PTPN23: variants seen among roughly 807,000 people sequenced by gnomAD.
PTPN23 encodes the protein protein tyrosine phosphatase non-receptor type 23, also known as tyrosine-protein phosphatase non-receptor type 23.
Under a neutral mutation model 156.3 loss-of-function variants are expected in PTPN23, and 72 were observed. The ratio of observed to expected loss-of-function variants is 0.46; its 90% confidence interval spans 0.38 to 0.56. The LOEUF is 0.56. Ranked by LOEUF, PTPN23 falls within the 20% of genes least tolerant of loss-of-function variation. PTPN23 has a pLI of 0.00. For synonymous variants in PTPN23, 957 were observed against 899.6 expected, an observed-to-expected ratio of 1.06 and a Z score of -1.14; for missense variants, 1,974 against 2,171.5, an observed-to-expected ratio of 0.91 and a Z score of 1.81.
intron 1 of PTPN23, among the ~76,000 whole-genome samples, chr3:47,382,323 CTT>C (rs11438597): frequency 6.4e-5 from 9 of 141,034 alleles, no homozygotes; most frequent in Admixed American, 1.4e-4. Flanking sequence ...TTTTTCCTAC[CTT>C]TTTTTTTTTT....
rs1035270035 is a variant in PTPN23 at position 47,410,103 on chromosome 3, C to T, written c.2305C>T (p.Leu769Phe). The change falls in exon 20 of 25, where the codon CTC (leucine) becomes TTC (phenylalanine). Residue 769 changes from leucine to phenylalanine, a missense_variant. Leu to Phe is a conservative substitution (Grantham distance 22, BLOSUM62 0). Transcript: ENST00000265562. ...CACCTTCCTGGGAAGTGCCACCCCG[C>T]TCCACTTTCCTCCCAGCCCCTTCCC... is the stretch of plus-strand genomic sequence containing the variant. ...PDTFLGSATP[L>F]HFPPSPFPSS... 1.2e-6 allele frequency: 2 copies of T among 1,604,630 alleles called. No homozygotes were observed. The highest frequency in any genetic ancestry group is 2.2e-5 in the South Asian group (2 of 89,538).
Position 47,412,899 on chromosome 3 carries a change from C to T in PTPN23, c.4625C>T (p.Ser1542Phe), listed in dbSNP as rs201694721. 19 of 1,607,660 alleles carry T rather than the reference C, an allele frequency of 1.2e-5. No homozygotes were observed. Among genetic ancestry groups the T allele is most frequent in the Non-Finnish European group, 1.4e-5 (17 of 1,175,716 alleles). Residue 1542 changes from serine (S) to phenylalanine (F), a missense_variant, in exon 25 of 25, where the codon TCT (serine) becomes TTT (phenylalanine). Physicochemically the swap from Ser to Phe is radical, Grantham distance 155. Transcript: ENST00000265562. ...CTCCCAGAGTCTACCCCAATCCCAT[C>T]TTCCTCCCCGCCCCCCCTTTCCTCC... is the stretch of plus-strand genomic sequence containing the variant. ...ASLPESTPIP[S>F]SSPPPLSSPL...
At position 47,405,701 on chromosome 3, in the gene PTPN23, T is replaced by G. The variant is rs1352722020; in HGVS notation, c.365-48T>G. 6.4e-7 allele frequency: 1 copy of G among 1,566,820 alleles called. No homozygotes were observed. Among genetic ancestry groups the G allele is most frequent in the Non-Finnish European group, 8.7e-7 (1 of 1,151,628 alleles). On this transcript the variant is annotated intron_variant, in intron 4 of 24. Coordinates refer to ENST00000265562, the MANE Select transcript of PTPN23 (RefSeq NM_015466.4). This position sits in a 1 kb window ranked among gnomAD's most constrained non-coding sequence, Gnocchi z 4.7. ...GTGCCCCCTCTGTCTCACCTTCACA[T>G]GGGTGTGAGCAGCCCCAGGCCCCTA...
chr3:47,393,811 C>T (rs1366505175), intron 1 of PTPN23, among the ~76,000 whole-genome samples: 1 of 151,642 alleles, frequency 6.6e-6, no homozygotes, highest in African/African-American at 2.4e-5. Context: ...GGAGTGTGCA[C>T]ACAGCTCACC....
At chr3:47,388,142 G>A (rs139835009) in intron 1 of PTPN23, among the ~76,000 whole-genome samples, 3 of 152,282 alleles carry the variant, frequency 2.0e-5, no homozygotes, top group African/African-American at 7.2e-5. Flanking sequence ...TTTCTTACCT[G>A]AAACATGGAA....
At position 47,408,835 on chromosome 3, in the gene PTPN23, G is replaced by C; in HGVS notation, c.1390G>C (p.Glu464Gln). The change falls in exon 16 of 25, where the codon GAG becomes CAG. Residue 464 changes from glutamate (E) to glutamine (Q), a missense_variant. By Grantham distance (29) the Glu-to-Gln change is conservative. Transcript: ENST00000265562. The part of the protein sequence containing the change: ...ASLKDIRDLL[E>Q]EDELLEQKFQ... ...CCTGAAGGACATCAGAGATCTGTTG[G>C]AGGAGGATGAGCTGCTAGAGCAGAA... The C allele has an allele frequency of 6.2e-7, 1 of 1,613,832 alleles. No homozygotes were observed. The highest frequency in any genetic ancestry group is 8.5e-7 in the Non-Finnish European group (1 of 1,179,828).
intron 1 of PTPN23, among the ~76,000 whole-genome samples, chr3:47,385,157 T>C (rs974832410): frequency 6.6e-6 from 1 of 152,230 alleles, no homozygotes. Flanking sequence ...TGGAAACTGA[T>C]GATGGATGAC....
chr3:47,386,948 G>A (rs936356411), intron 1 of PTPN23, among the ~76,000 whole-genome samples: 1 of 152,244 alleles, frequency 6.6e-6, no homozygotes, highest in African/African-American at 2.4e-5. Flanking sequence ...TATATAGGGA[G>A]TGCTTAACAA....
chr3:47,382,343 C>T, intron 1 of PTPN23, among the ~76,000 whole-genome samples: 1 of 143,040 alleles, frequency 7.0e-6, no homozygotes, highest in African/African-American at 2.7e-5. Flanking sequence ...TTTTTTGAGA[C>T]GGAGTTTCGC....
Position 47,405,929 on chromosome 3 carries a change from C to T in PTPN23, c.429C>T (p.Ser143=), listed in dbSNP as rs1207739841. The part of the protein sequence containing the change: ...KRVSEEGMKV[S]CTHFQCAAGA... The stretch of plus-strand genomic sequence containing the variant: ...CTCCCTCCCAGGGCATGAAGGTCTC[C>T]TGTACCCATTTCCAGTGCGCAGCCG... The change falls in exon 6 of 25, where the codon TCC becomes TCT. Residue 143 remains serine (S), a synonymous_variant. Transcript: ENST00000265562. This position sits in a 1 kb window ranked among gnomAD's most constrained non-coding sequence, Gnocchi z 4.7. The T allele has an allele frequency of 6.2e-7, 1 of 1,614,020 alleles. No individual in the cohort carries two copies. Among genetic ancestry groups the T allele is most frequent in the Non-Finnish European group, 8.5e-7 (1 of 1,179,994 alleles).
chr3:47,409,847 C>G lies in PTPN23; in HGVS notation c.2129+13C>G. 1 of 1,607,604 alleles carries G rather than the reference C, an allele frequency of 6.2e-7. No individual in the cohort carries two copies. Among genetic ancestry groups the G allele is most frequent in the Non-Finnish European group, 8.5e-7 (1 of 1,177,044 alleles). ...AGCTCCTGGACAGGTTTGTGTGGCC[C>G]TGGGGCTGTGGTGCGGCTCGGGTCC... On this transcript the variant is annotated intron_variant, in intron 19 of 24. Coordinates refer to ENST00000265562, the MANE Select transcript of PTPN23 (RefSeq NM_015466.4).
At position 47,410,190 on chromosome 3, in the gene PTPN23, G is replaced by A; in HGVS notation, c.2392G>A (p.Gly798Ser). The change falls in exon 20 of 25, where the codon GGC becomes AGC. Residue 798 changes from glycine to serine, a missense_variant. Around this residue, in one of 4 missense-constraint regions of PTPN23, gnomAD observed 731 missense variants for 669.1 expected, o/e 1.09. Coordinates refer to ENST00000265562, the MANE Select transcript of PTPN23 (RefSeq NM_015466.4). ...SGPLPPGTYSGPTQLIQPRAP... is the reference protein window; with the variant it reads ...SGPLPPGTYSSPTQLIQPRAP... Reference sequence around the variant, plus strand: ...CCCCTTGCCCCCTGGTACCTACTCGGGCCCCACCCAGCTGATACAGCCCAG... The same window carrying A: ...CCCCTTGCCCCCTGGTACCTACTCGAGCCCCACCCAGCTGATACAGCCCAG... 1 of 1,604,810 alleles carries A rather than the reference G, an allele frequency of 6.2e-7. No homozygotes were observed. The highest frequency in any genetic ancestry group is 1.1e-5 in the South Asian group (1 of 89,776).
At chr3:47,408,017 C>A in intron 14 of PTPN23, 62 bp downstream of exon 14, 2 of 1,547,006 alleles carry the variant, frequency 1.3e-6, no homozygotes, top group Non-Finnish European at 1.8e-6. Context: ...CTCTGGGGGC[C>A]CCAGGGCTGC....
In PTPN23 at chr3:47,408,465, C is replaced by T. The variant is rs2107718511; in HGVS notation, c.1305C>T (p.Val435=). 1.2e-6 allele frequency: 2 copies of T among 1,613,982 alleles called. No individual in the cohort carries two copies. The highest frequency in any genetic ancestry group is 1.7e-6 in the Non-Finnish European group (2 of 1,179,912). The change falls in exon 15 of 25, where the codon GTC becomes GTT. Residue 435 remains valine (V), a synonymous_variant. Transcript: ENST00000265562. ...CTCTCAGCGTCCGGCCCGACACTGTCAGGAACCTTGTACAGTCCATGCAAG... is the reference window on the plus strand; with the variant it reads ...CTCTCAGCGTCCGGCCCGACACTGTTAGGAACCTTGTACAGTCCATGCAAG... ...CAALSVRPDT[V]RNLVQSMQVL...
chr3:47,397,891 G>A (rs1319975172), intron 2 of PTPN23, among the ~76,000 whole-genome samples: 1 of 151,964 alleles, frequency 6.6e-6, no homozygotes, highest in Non-Finnish European at 1.5e-5. Context: ...GGCTGGTCTC[G>A]ACCTCCTGAC....
rs1402722056 is a variant in PTPN23 at position 47,408,760 on chromosome 3, C to T, written c.1331-16C>T. 1.3e-6 allele frequency: 2 copies of T among 1,570,964 alleles called. No homozygotes were observed. The highest frequency in any genetic ancestry group is 1.7e-6 in the Non-Finnish European group (2 of 1,156,602). ...CAGCCTGCCTCAGGGGCTGCCTGTA[C>T]AATCCACAACCCCAGTGCTGTCAGG... On this transcript the variant is annotated splice_polypyrimidine_tract_variant and intron_variant, in intron 15 of 24. Transcript: ENST00000265562.
chr3:47,392,413 C>T (rs1248766852), intron 1 of PTPN23, among the ~76,000 whole-genome samples: 1 of 152,158 alleles, frequency 6.6e-6, no homozygotes, highest in Non-Finnish European at 1.5e-5. Flanking sequence ...TCTGGAACTC[C>T]TAGCCTCAAG....
At chr3:47,388,594 A>G (rs928303633) in intron 1 of PTPN23, among the ~76,000 whole-genome samples, 1 of 151,410 alleles carries the variant, frequency 6.6e-6, no homozygotes, top group African/African-American at 2.4e-5. Context: ...CAATCCAATT[A>G]TACTTTTATT....
intron 1 of PTPN23, among the ~76,000 whole-genome samples, chr3:47,381,437 C>T (rs558955704): frequency 6.6e-6 from 1 of 152,334 alleles, no homozygotes; most frequent in African/African-American, 2.4e-5. Context: ...CCCGAGTCAT[C>T]CGCTGTTCCC....
Sources: allele counts gnomAD v4.1 joint callset (sites outside exome capture counted in the v4.1 genomes callset), GRCh38; gene constraint gnomAD v4.1.1; regional missense constraint gnomAD v4.1.1; non-coding constraint Gnocchi (gnomAD v3.1); transcripts MANE v1.5; gene names NCBI Gene and HGNC (gene_info 2026-07-23, HGNC 2026-07-21).